The following ARFGEF3 variants were observed in gnomAD, a reference collection of about 807,000 sequenced individuals.
The protein encoded by ARFGEF3 is ARFGEF family member 3, also known as brefeldin A-inhibited guanine nucleotide-exchange protein 3.
A neutral mutation model predicts 221.7 loss-of-function variants in ARFGEF3; 96 were observed. That is an observed-to-expected ratio of 0.43 (90% confidence interval 0.37 to 0.51). The LOEUF is 0.51. ARFGEF3 is among the 20% of genes least tolerant of loss of function. The pLI is 0.00. For missense variants in ARFGEF3, 2,410 were observed against 2,789.9 expected, an observed-to-expected ratio of 0.86 and a Z score of 3.07; for synonymous variants, 1,145 against 1,126.8, an observed-to-expected ratio of 1.02 and a Z score of -0.32.
chr6:138,306,114 C>T (rs1428977531), intron 22 of ARFGEF3, among the ~76,000 whole-genome samples: 1 of 151,888 alleles, frequency 6.6e-6, no homozygotes, highest in Non-Finnish European at 1.5e-5. Flanking sequence ...AAATTCTAGT[C>T]GAGCAAGGTC....
At chr6:138,193,298 A>C (rs757801383) in intron 2 of ARFGEF3, among the ~76,000 whole-genome samples, 1 of 152,208 alleles carries the variant, frequency 6.6e-6, no homozygotes, top group Admixed American at 6.5e-5. Flanking sequence ...TCACCTTTTT[A>C]TGAAGACACT....
chr6:138,270,423 C>A (rs369795711), intron 12 of ARFGEF3, among the ~76,000 whole-genome samples: 1 of 121,404 alleles, frequency 8.2e-6, no homozygotes, highest in East Asian at 2.4e-4. Context: ...AGGAATTTTA[C>A]GTAGACACAC....
At position 138,341,463 on chromosome 6, in the gene ARFGEF3, T is replaced by C. The variant is rs1487091118; in HGVS notation, c.*4977T>C. Reference sequence around the variant, plus strand: ...AGAAGGAAAATCCAGAGTCTTGCAGTAAGCAGATGACAAAACTTCAATATG... The same window carrying C: ...AGAAGGAAAATCCAGAGTCTTGCAGCAAGCAGATGACAAAACTTCAATATG... On this transcript the variant is annotated 3_prime_UTR_variant, in exon 34 of 34. Transcript: ENST00000251691. 4 of 154,838 alleles carry C rather than the reference T, an allele frequency of 2.6e-5. No homozygotes were observed. Among genetic ancestry groups the C allele is most frequent in the Non-Finnish European group, 4.4e-5 (3 of 68,236 alleles). The allele number at this position is 154,838 out of a possible 1,614,324, so 9.6% of individuals were successfully genotyped here.
At chr6:138,277,966 T>C (rs1394276181) in intron 12 of ARFGEF3, among the ~76,000 whole-genome samples, 1 of 152,192 alleles carries the variant, frequency 6.6e-6, no homozygotes, top group Admixed American at 6.5e-5. Flanking sequence ...GAGATCATTC[T>C]AGGAGTGACA....
At chr6:138,311,792 G>A (rs1253387179) in intron 25 of ARFGEF3, among the ~76,000 whole-genome samples, 1 of 152,146 alleles carries the variant, frequency 6.6e-6, no homozygotes, top group Non-Finnish European at 1.5e-5. Context: ...TTTGCATGAG[G>A]TTTTAGGGGA....
intron 2 of ARFGEF3, among the ~76,000 whole-genome samples, chr6:138,178,202 C>T (rs536215741): frequency 2.0e-5 from 3 of 152,268 alleles, no homozygotes; most frequent in African/African-American, 7.2e-5. Flanking sequence ...CCTCACCATT[C>T]TTATGTCCTA....
At chr6:138,287,731 C>T (rs770696895) in intron 17 of ARFGEF3, among the ~76,000 whole-genome samples, 20 of 152,108 alleles carry the variant, frequency 1.3e-4, no homozygotes, top group Non-Finnish European at 2.5e-4. Flanking sequence ...AAAAGAATGA[C>T]CATCCTGGTA....
intron 25 of ARFGEF3, among the ~76,000 whole-genome samples, chr6:138,312,051 G>T (rs1016104430): frequency 5.3e-5 from 8 of 152,138 alleles, no homozygotes. Flanking sequence ...AGCTACTGGG[G>T]AGGCTGAGGC....
Position 138,248,630 on chromosome 6 carries a change from G to A in ARFGEF3, c.665+3039G>A, listed in dbSNP as rs111506964. Among the ~76,000 whole-genome samples the A allele has an allele frequency of 9.7e-3, 1,475 of 152,176 alleles. 20 individuals carry two copies. The highest frequency in any genetic ancestry group is 0.033 in the African/African-American group (1,368 of 41,492). ...GCTAGAGGTCAGGAGTTCGAGACCA[G>A]CCTGGCCAACATGGTGAAACCCCAT... On this transcript the variant is annotated intron_variant, in intron 8 of 33. Coordinates refer to ENST00000251691, the MANE Select transcript of ARFGEF3 (RefSeq NM_020340.5).
chr6:138,225,833 G>A (rs566171366), intron 4 of ARFGEF3, among the ~76,000 whole-genome samples: 1 of 152,288 alleles, frequency 6.6e-6, no homozygotes, highest in South Asian at 2.1e-4. Context: ...TGTTGGAATA[G>A]CTACCATGAA....
chr6:138,330,016 G>A (rs925093244), intron 32 of ARFGEF3, among the ~76,000 whole-genome samples: 1 of 152,248 alleles, frequency 6.6e-6, no homozygotes, highest in South Asian at 2.1e-4. Context: ...GGGGTCACAA[G>A]GTGCTCAGTA....
intron 5 of ARFGEF3, 56 bp from the exon 6 acceptor site, chr6:138,238,453 T>C: frequency 6.4e-7 from 1 of 1,565,990 alleles, no homozygotes; most frequent in Non-Finnish European, 8.7e-7. Context: ...CCAAAGAATG[T>C]TGGTAATAAG....
chr6:138,315,111 A>G (rs1324617809), intron 26 of ARFGEF3, among the ~76,000 whole-genome samples: 1 of 152,240 alleles, frequency 6.6e-6, no homozygotes, highest in Non-Finnish European at 1.5e-5. Context: ...AGTATCTTTT[A>G]GAAAACAAAT....
intron 1 of ARFGEF3, among the ~76,000 whole-genome samples, chr6:138,165,074 C>A (rs1280928354): frequency 7.1e-6 from 1 of 141,748 alleles, no homozygotes; most frequent in East Asian, 2.2e-4. Flanking sequence ...AGAGAGGAAG[C>A]ATCCCCCACT....
intron 4 of ARFGEF3, chr6:138,217,911 A>G: frequency 6.7e-7 from 1 of 1,503,426 alleles, no homozygotes; most frequent in Non-Finnish European, 8.9e-7. Context: ...GGCTGGGCTT[A>G]AACAGTCATT....
chr6:138,262,869 G>T lies in ARFGEF3; in HGVS notation c.1386G>T (p.Lys462Asn). 1 of 1,613,962 alleles carries T rather than the reference G, an allele frequency of 6.2e-7. No homozygotes were observed. Residue 462 changes from lysine (K) to asparagine (N), a missense_variant, in exon 12 of 34, where the codon AAG becomes AAT. Lys to Asn is a moderately conservative substitution (Grantham distance 94). This residue lies in a region of ARFGEF3 where 570 missense variants were observed against 586.9 expected (regional missense o/e 0.97). Coordinates refer to ENST00000251691, the MANE Select transcript of ARFGEF3 (RefSeq NM_020340.5). Reference protein sequence around the residue: ...QLLLLRLEELKDGAEWSRDSM... With the variant: ...QLLLLRLEELNDGAEWSRDSM... ...TGCTTCTGCGCCTTGAGGAGCTGAA[G>T]GATGGGGCTGAGTGGAGCCGAGATT... is the stretch of plus-strand genomic sequence containing the variant.
At chr6:138,321,976 C>T (rs1206978843) in intron 29 of ARFGEF3, among the ~76,000 whole-genome samples, 5 of 152,156 alleles carry the variant, frequency 3.3e-5, no homozygotes, top group Non-Finnish European at 7.3e-5. Context: ...TGGATGGTGG[C>T]AGGCAAAGAG....
chr6:138,336,290 C>A lies in ARFGEF3; in HGVS notation c.6343-5C>A. 6.6e-7 allele frequency: 1 copy of A among 1,519,332 alleles called. No individual in the cohort carries two copies. The highest frequency in any genetic ancestry group is 8.9e-7 in the Non-Finnish European group (1 of 1,127,942). 94.1% of individuals were successfully genotyped at this position (1,519,332 alleles called of 1,614,324 possible). The stretch of plus-strand genomic sequence containing the variant: ...CCACTGATTTTCTTAAATCTTTTCT[C>A]TTAGGCATGGACCAACATGGTGCTA... On this transcript the variant is annotated splice_region_variant and splice_polypyrimidine_tract_variant and intron_variant, in intron 33 of 33. Transcript: ENST00000251691.
chr6:138,208,232 G>T (rs1232303203), intron 3 of ARFGEF3, among the ~76,000 whole-genome samples: 1 of 152,070 alleles, frequency 6.6e-6, no homozygotes, highest in East Asian at 1.9e-4. Flanking sequence ...AACTTGGTGG[G>T]CTGTGAGTCT....
Sources: gnomAD v4.1 joint callset for allele counts (sites outside exome capture counted in the v4.1 genomes callset) on GRCh38, gnomAD v4.1.1 for gene constraint, gnomAD v4.1.1 regional missense constraint, MANE v1.5 for transcripts, NCBI Gene and HGNC (gene_info 2026-07-23, HGNC 2026-07-21) for gene names.